KAZN: variants seen among roughly 807,000 people sequenced by gnomAD.
KAZN encodes kazrin, periplakin interacting protein, also known as kazrin.
In KAZN, 40 loss-of-function variants were observed where a neutral mutation model predicts 87.4. The ratio of observed to expected loss-of-function variants is 0.46; its 90% CI spans 0.36 to 0.60. KAZN has a LOEUF of 0.60. Ranked by LOEUF, KAZN falls within the 20% of genes least tolerant of loss-of-function variation. The pLI is 0.00. For missense variants in KAZN, 898 were observed against 1,073.9 expected, an observed-to-expected ratio of 0.84 and a Z score of 2.29; for synonymous variants, 466 against 458.3, an observed-to-expected ratio of 1.02 and a Z score of -0.22.
At chr1:14,193,696 T>G (rs1646469911) in intron 2 of KAZN, among the ~76,000 whole-genome samples, 1 of 151,504 alleles carries the variant, frequency 6.6e-6, no homozygotes, top group Admixed American at 6.6e-5. Flanking sequence ...TATAATTCAG[T>G]TCAATAGTAG....
At chr1:14,479,406 C>T (rs751006934) in intron 2 of KAZN, among the ~76,000 whole-genome samples, 1 of 152,184 alleles carries the variant, frequency 6.6e-6, no homozygotes, top group Non-Finnish European at 1.5e-5. Context: ...GGAAAATGTC[C>T]AACTTTCTTA....
chr1:14,395,617 A>T (rs1188752291), intron 2 of KAZN, among the ~76,000 whole-genome samples: 2 of 152,090 alleles, frequency 1.3e-5, no homozygotes, highest in Non-Finnish European at 2.9e-5. Context: ...CTCCTCTCTG[A>T]TTTTCAGTCC....
intron 2 of KAZN, among the ~76,000 whole-genome samples, chr1:14,247,834 T>G (rs190843444): frequency 0.014 from 2,115 of 152,194 alleles, 46 homozygotes; most frequent in African/African-American, 0.048. Context: ...CTTTTTTTTT[T>G]GGGTGTGTGG....
At chr1:14,858,583 G>A (rs116337502) in intron 1 of KAZN, among the ~76,000 whole-genome samples, 2,312 of 152,258 alleles carry the variant, frequency 0.015, 55 homozygotes, top group African/African-American at 0.051. Flanking sequence ...TTTGGCTGTC[G>A]TGAATAATGC....
chr1:14,552,445 A>G (rs938731895), intron 2 of KAZN, among the ~76,000 whole-genome samples: 6 of 152,224 alleles, frequency 3.9e-5, no homozygotes, highest in Non-Finnish European at 8.8e-5. Context: ...GGCAACCGGC[A>G]GTCTGATTCC....
At chr1:14,600,591 G>T (rs1676878188) in intron 1 of KAZN, among the ~76,000 whole-genome samples, 1 of 149,202 alleles carries the variant, frequency 6.7e-6, no homozygotes, top group South Asian at 2.1e-4. Context: ...CTTGCTGCAA[G>T]CTTGACATGT....
At position 14,096,956 on chromosome 1, in the gene KAZN, G is replaced by A. The variant is rs147904520; in HGVS notation, c.92-83479G>A. Among the ~76,000 whole-genome samples, 21 of 152,364 alleles carry A rather than the reference G, an allele frequency of 1.4e-4. 2 individuals are homozygous for A. The highest frequency in any genetic ancestry group is 1.0e-3 in the South Asian group (5 of 4,832). On this transcript the variant is annotated intron_variant, in intron 1 of 16. Coordinates refer to the KAZN transcript ENST00000636203. Reference sequence around the variant, plus strand: ...AACATGGAGCCCAGGCTTTTCTCACGGAGATTCAGATTCAGTGGTTAAGGT... The same window carrying A: ...AACATGGAGCCCAGGCTTTTCTCACAGAGATTCAGATTCAGTGGTTAAGGT...
At chr1:14,011,077 A>G (rs1182609384) in intron 1 of KAZN, among the ~76,000 whole-genome samples, 1 of 150,732 alleles carries the variant, frequency 6.6e-6, no homozygotes. Flanking sequence ...CCCACATCTC[A>G]CCCCATCTTG....
chr1:14,654,328 A>G (rs1638651611), intron 1 of KAZN, among the ~76,000 whole-genome samples: 2 of 151,704 alleles, frequency 1.3e-5, no homozygotes, highest in South Asian at 4.2e-4. Flanking sequence ...ATTGCCAGCA[A>G]TGTACTTGAA....
intron 1 of KAZN, among the ~76,000 whole-genome samples, chr1:14,929,430 G>A (rs937704223): frequency 6.6e-6 from 1 of 152,100 alleles, no homozygotes; most frequent in African/African-American, 2.4e-5. Flanking sequence ...AATTTGCCAG[G>A]ACCCTCCAGC....
intron 1 of KAZN, among the ~76,000 whole-genome samples, chr1:14,666,956 G>C (rs898766858): frequency 6.6e-6 from 1 of 152,100 alleles, no homozygotes; most frequent in Non-Finnish European, 1.5e-5. Context: ...GGATGCTCTC[G>C]ATCTCTTGAC....
At chr1:14,319,543 G>A (rs1349013221) in intron 2 of KAZN, among the ~76,000 whole-genome samples, 1 of 152,126 alleles carries the variant, frequency 6.6e-6, no homozygotes, top group African/African-American at 2.4e-5. Flanking sequence ...TTTCTGTAGA[G>A]CCCCGTTCTC....
In KAZN at chr1:14,353,615, C is replaced by T. The variant is rs193195341; in HGVS notation, c.249+173023C>T. 1.2e-3 allele frequency among the ~76,000 whole-genome samples: 184 copies of T among 152,254 alleles called. 1 individual carries two copies. The highest frequency in any genetic ancestry group is 4.0e-3 in the African/African-American group (167 of 41,536). The stretch of plus-strand genomic sequence containing the variant: ...CCAATGTCACATGCTATAAAGTTAA[C>T]ATATGAAACATAATTTAATACTATC... On this transcript the variant is annotated intron_variant, in intron 2 of 16. Coordinates refer to the KAZN transcript ENST00000636203.
At position 14,953,314 on chromosome 1, in the gene KAZN, T is replaced by C. The variant is rs112817213; in HGVS notation, c.227-7370T>C. Among the ~76,000 whole-genome samples the C allele has an allele frequency of 1.5e-3, 222 of 152,376 alleles. 1 individual carries two copies. Among genetic ancestry groups the C allele is most frequent in the African/African-American group, 5.0e-3 (206 of 41,600 alleles). ...CACCAAGCCAAGCCTGGTTGCCACC[T>C]GGGCCCTGCTGGTTCAGGAAGCCCT... On this transcript the variant is annotated intron_variant, in intron 1 of 14. Transcript: ENST00000376030.
intron 2 of KAZN, among the ~76,000 whole-genome samples, chr1:14,353,276 G>A (rs1438266687): frequency 1.3e-5 from 2 of 150,094 alleles, no homozygotes; most frequent in Non-Finnish European, 2.9e-5. Flanking sequence ...CCAGGCTGGA[G>A]TGCAGTGGCG....
chr1:14,763,583 C>T (rs1489702396), intron 1 of KAZN, among the ~76,000 whole-genome samples: 1 of 152,082 alleles, frequency 6.6e-6, no homozygotes, highest in Non-Finnish European at 1.5e-5. Flanking sequence ...GCAGTGAGCT[C>T]GGAATGATGC....
chr1:15,031,278 A>G (rs1180225607), intron 2 of KAZN, among the ~76,000 whole-genome samples: 1 of 152,234 alleles, frequency 6.6e-6, no homozygotes, highest in African/African-American at 2.4e-5. Flanking sequence ...GGAAGTTTCC[A>G]GAGTCATAGA....
In KAZN at chr1:15,112,512, A is replaced by AGCAGC; in HGVS notation, c.2136_2140dup (p.Gly714AlafsTer16). On this transcript the variant is annotated frameshift_variant, in exon 14 of 15. Coordinates refer to ENST00000376030, the MANE Select transcript of KAZN (RefSeq NM_201628.3). LOFTEE classifies it high-confidence loss of function. ...CACGCGGGCAGGAAAGGAGGAGAAC[A>AGCAGC]GCAGCGGTCTCAAGTACAAGGCTGG... 6.2e-7 allele frequency: 1 copy of AGCAGC among 1,606,680 alleles called. No individual in the cohort carries two copies. The highest frequency in any genetic ancestry group is 2.2e-5 in the East Asian group (1 of 44,654).
At chr1:14,548,194 G>A (rs1418964579) in intron 2 of KAZN, among the ~76,000 whole-genome samples, 3 of 148,824 alleles carry the variant, frequency 2.0e-5, no homozygotes, top group Non-Finnish European at 3.0e-5. Flanking sequence ...TTTCCTCTTC[G>A]TGCATTTTTT....
Sources: gnomAD v4.1 joint callset for allele counts (sites outside exome capture counted in the v4.1 genomes callset) on GRCh38, gnomAD v4.1.1 for gene constraint, MANE v1.5 for transcripts, NCBI Gene and HGNC (gene_info 2026-07-23, HGNC 2026-07-21) for gene names.